DCUN1D4: variants seen among roughly 807,000 people sequenced by gnomAD.
The protein encoded by DCUN1D4 is DCN1-like protein 4.
In DCUN1D4, 22 loss-of-function variants were observed where a neutral mutation model predicts 47.9. The observed-to-expected ratio is 0.46, with a 90% CI of 0.33 to 0.66. The LOEUF (loss-of-function observed/expected upper bound fraction) is 0.66. Among genes scored for constraint, DCUN1D4 ranks in the 30% least tolerant of loss-of-function variants. The pLI is 0.02. For missense variants in DCUN1D4, 301 were observed against 340.8 expected (o/e 0.88, Z 0.92); for synonymous variants, 121 against 112.2 (o/e 1.08, Z -0.50).
At chr4:51,864,316 C>G (rs931293249) in intron 3 of DCUN1D4, among the ~76,000 whole-genome samples, 2 of 152,184 alleles carry the variant, frequency 1.3e-5, no homozygotes, top group African/African-American at 4.8e-5. Flanking sequence ...GGAGACCACT[C>G]TTTGAGAACC....
chr4:51,848,241 C>A lies in DCUN1D4; in HGVS notation c.25+4974C>A, dbSNP rs182840438. 3.2e-4 allele frequency: 411 copies of A among 1,289,268 alleles called. No individual in the cohort carries two copies. The African/African-American group carries it at 5.8e-3, about 18-fold the overall frequency. The allele number at this position is 1,289,268 out of a possible 1,614,324, so 79.9% of individuals were successfully genotyped here. A position where few individuals can be genotyped will look rare whatever the true frequency, so the allele number is the denominator to read the frequency against. On this transcript the variant is annotated intron_variant, in intron 1 of 10. Transcript: ENST00000334635. ...AGAGAATGTGGCGTGGAGAAATTCT[C>A]AAGGAAAGAGTAAAATGCTGGTGAT...
chr4:51,857,695 TAGG>T (rs1322586825), intron 1 of DCUN1D4, among the ~76,000 whole-genome samples: 1 of 152,162 alleles, frequency 6.6e-6, no homozygotes, highest in Non-Finnish European at 1.5e-5. Flanking sequence ...TACAGATCCT[TAGG>T]AGATTAAATC....
intron 5 of DCUN1D4, among the ~76,000 whole-genome samples, chr4:51,885,700 C>G (rs1314194751): frequency 6.6e-6 from 1 of 152,028 alleles, no homozygotes; most frequent in Non-Finnish European, 1.5e-5. Flanking sequence ...ATGTATATAG[C>G]AGGCACTAGA....
In DCUN1D4 at chr4:51,874,252, C is replaced by T; in HGVS notation, c.137-19C>T. The T allele has an allele frequency of 6.3e-7, 1 of 1,584,292 alleles. No individual in the cohort carries two copies. The highest frequency in any genetic ancestry group is 1.1e-5 in the South Asian group (1 of 89,350). On this transcript the variant is annotated intron_variant, in intron 3 of 10. Coordinates refer to ENST00000334635, the MANE Select transcript of DCUN1D4 (RefSeq NM_001040402.3). ...ATGTAGCATACCTTAATTTTGTGCT[C>T]TTTGAATTTGTTTTGTAGGAAGTCT...
At chr4:51,839,782 C>A (rs1370478146), upstream of DCUN1D4, among the ~76,000 whole-genome samples, 1 of 152,170 alleles carries the variant, frequency 6.6e-6, no homozygotes, top group Non-Finnish European at 1.5e-5. Context: ...AACTTATTTT[C>A]AGTCTCAAGA....
chr4:51,907,024 C>T (rs1470643447), intron 8 of DCUN1D4, among the ~76,000 whole-genome samples: 1 of 152,154 alleles, frequency 6.6e-6, no homozygotes, highest in African/African-American at 2.4e-5. Context: ...AGAACAGTTT[C>T]TAGCTTGAAG....
In DCUN1D4 at chr4:51,886,811, T is replaced by G. The variant is rs1486277277; in HGVS notation, c.414+173T>G. The G allele has an allele frequency of 6.7e-6, 4 of 597,100 alleles. No homozygotes were observed. The East Asian group carries it at 1.2e-4, about 17-fold the overall frequency. 37.0% of individuals were successfully genotyped at this position (597,100 alleles called of 1,614,324 possible). ...GACTTATAAGCAGATTCTCCATTCT[T>G]GTAAGTGATATGGTGTAACTACAGT... is the stretch of plus-strand genomic sequence containing the variant. On this transcript the variant is annotated intron_variant, in intron 6 of 10. Transcript: ENST00000334635.
chr4:51,869,099 A>G (rs571908359), intron 3 of DCUN1D4, among the ~76,000 whole-genome samples: 68 of 134,398 alleles, frequency 5.1e-4, no homozygotes, highest in Non-Finnish European at 6.8e-4. Flanking sequence ...ACTGTAGCCT[A>G]GGCTACAGAG....
At chr4:51,849,960 A>G (rs1173629752) in intron 1 of DCUN1D4, among the ~76,000 whole-genome samples, 1 of 152,168 alleles carries the variant, frequency 6.6e-6, no homozygotes, top group African/African-American at 2.4e-5. Context: ...AATTTCACGT[A>G]TTATAAAATT....
chr4:51,876,252 T>C (rs1727650448), intron 4 of DCUN1D4, among the ~76,000 whole-genome samples: 1 of 152,032 alleles, frequency 6.6e-6, no homozygotes, highest in South Asian at 2.1e-4. Flanking sequence ...AAATGATGAG[T>C]TCATGTCCTT....
intron 5 of DCUN1D4, among the ~76,000 whole-genome samples, chr4:51,885,738 T>C (rs975118884): frequency 6.6e-6 from 1 of 151,940 alleles, no homozygotes; most frequent in Admixed American, 6.6e-5. Context: ...TCTTTGCACA[T>C]CAAATTTAAC....
chr4:51,877,937 T>G (rs1371116374), intron 5 of DCUN1D4, 83 bp downstream of exon 5: 4 of 983,860 alleles, frequency 4.1e-6, no homozygotes, highest in Non-Finnish European at 6.0e-6. Flanking sequence ...TTTAAAAATG[T>G]GTACATTTCA....
rs572635135 is a variant in DCUN1D4, at chr4:51,862,206, T to C, written c.26-1231T>C. On this transcript the variant is annotated intron_variant, in intron 1 of 10. Transcript: ENST00000334635. ...ACTGTGAACAGTGCATATGCACATG[T>C]ATGTATACAGGTATGACCTGCTGTT... Among the ~76,000 whole-genome samples the C allele has an allele frequency of 1.2e-4, 19 of 152,362 alleles. No individual in the cohort carries two copies. The South Asian group carries it at 3.9e-3, about 32-fold the overall frequency.
At position 51,863,452 on chromosome 4, in the gene DCUN1D4, C is replaced by G. The variant is rs1302309977; in HGVS notation, c.41C>G (p.Ser14Cys). The G allele has an allele frequency of 1.9e-6, 3 of 1,612,156 alleles. No individual in the cohort carries two copies. The highest frequency in any genetic ancestry group is 2.5e-6 in the Non-Finnish European group (3 of 1,179,180). The stretch of plus-strand genomic sequence containing the variant: ...TCTTTTCAAGATTTTCAGCTGAACT[C>G]TCATCTCTCAACACTGGCAAATATT... ...DAAAVNFQLN[S>C]HLSTLANIHK... is the part of the protein sequence containing the mutation. The change falls in exon 2 of 11, where the codon TCT (serine) becomes TGT (cysteine). Residue 14 changes from serine to cysteine, a missense_variant. Coordinates refer to ENST00000334635, the MANE Select transcript of DCUN1D4 (RefSeq NM_001040402.3).
chr4:51,862,693 A>G (rs1328343036), intron 1 of DCUN1D4, among the ~76,000 whole-genome samples: 1 of 152,072 alleles, frequency 6.6e-6, no homozygotes, highest in East Asian at 1.9e-4. Context: ...TTTATTGCCT[A>G]ATATATATGC....
intron 3 of DCUN1D4, among the ~76,000 whole-genome samples, chr4:51,866,800 C>T (rs1333720008): frequency 6.6e-6 from 1 of 152,228 alleles, no homozygotes; most frequent in Admixed American, 6.5e-5. Context: ...GCCTTGGTTA[C>T]AGTGGATACG....
chr4:51,861,478 G>A (rs60618088), intron 1 of DCUN1D4, among the ~76,000 whole-genome samples: 156 of 152,288 alleles, frequency 1.0e-3, no homozygotes, highest in African/African-American at 3.7e-3. Context: ...AAAGGAGGGA[G>A]AAAGATATAA....
chr4:51,838,576 C>A (rs1294510367), upstream of DCUN1D4, among the ~76,000 whole-genome samples: 1 of 151,954 alleles, frequency 6.6e-6, no homozygotes, highest in Non-Finnish European at 1.5e-5. Context: ...GAGATAGGGT[C>A]TCCCTGTGTT....
intron 6 of DCUN1D4, among the ~76,000 whole-genome samples, chr4:51,890,118 G>C (rs571711344): frequency 6.6e-6 from 1 of 152,180 alleles, no homozygotes; most frequent in Admixed American, 6.5e-5. Flanking sequence ...CAAAGCTAGA[G>C]ATTTTTTAGC....
Sources: gnomAD v4.1 joint callset for allele counts (sites outside exome capture counted in the v4.1 genomes callset) on GRCh38, gnomAD v4.1.1 for gene constraint, MANE v1.5 for transcripts, NCBI Gene and HGNC (gene_info 2026-07-23, HGNC 2026-07-21) for gene names.